Variants in SHISA6 observed in about 807,000 individuals in gnomAD.
The protein encoded by SHISA6 is shisa family member 6.
A neutral mutation model predicts 47.9 loss-of-function variants in SHISA6; 22 were observed. The ratio of observed to expected loss-of-function variants is 0.46; its 90% CI spans 0.33 to 0.66. SHISA6 has a LOEUF of 0.66. SHISA6 is among the 30% of genes least tolerant of loss of function. SHISA6 has a pLI of 0.02. For missense variants in SHISA6, 680 were observed against 764.6 expected, an observed-to-expected ratio of 0.89 and a Z score of 1.30; for synonymous variants, 388 against 337.8, an observed-to-expected ratio of 1.15 and a Z score of -1.63.
At chr17:11,286,503 C>T (rs904923654) in intron 2 of SHISA6, among the ~76,000 whole-genome samples, 8 of 152,124 alleles carry the variant, frequency 5.3e-5, no homozygotes, top group African/African-American at 1.9e-4. Context: ...GCTTGTACCT[C>T]TCGGTTGCAC....
intron 3 of SHISA6, among the ~76,000 whole-genome samples, chr17:11,511,891 G>A (rs1381832534): frequency 6.6e-6 from 1 of 152,226 alleles, no homozygotes; most frequent in Non-Finnish European, 1.5e-5. Context: ...CCCTGGATGT[G>A]TACACAAGCC....
chr17:11,368,527 T>TAGA (rs1912527555), intron 2 of SHISA6, among the ~76,000 whole-genome samples: 1 of 152,198 alleles, frequency 6.6e-6, no homozygotes, highest in South Asian at 2.1e-4. Flanking sequence ...TTCAGTATAC[T>TAGA]TGAGTTTTGC....
intron 2 of SHISA6, among the ~76,000 whole-genome samples, chr17:11,333,217 A>G (rs1392418064): frequency 6.6e-6 from 1 of 152,188 alleles, no homozygotes; most frequent in Non-Finnish European, 1.5e-5. Context: ...GTGGAGAGGG[A>G]ACCTGCCAGA....
chr17:11,344,703 C>A (rs553918512), intron 2 of SHISA6, among the ~76,000 whole-genome samples: 18 of 152,068 alleles, frequency 1.2e-4, no homozygotes, highest in Non-Finnish European at 2.4e-4. Context: ...TATTTCAATA[C>A]CTGTATACGA....
chr17:11,331,319 TC>T (rs1210126372), intron 2 of SHISA6, among the ~76,000 whole-genome samples: 1 of 152,192 alleles, frequency 6.6e-6, no homozygotes, highest in Non-Finnish European at 1.5e-5. Flanking sequence ...AAACAGCATT[TC>T]TCACCTGCTT....
chr17:11,426,091 G>A (rs551439108), intron 3 of SHISA6, among the ~76,000 whole-genome samples: 1 of 152,266 alleles, frequency 6.6e-6, no homozygotes, highest in East Asian at 1.9e-4. Flanking sequence ...ACCAGAAAAA[G>A]GATGCATGGA....
chr17:11,556,577 T>G (rs527569732), intron 5 of SHISA6, among the ~76,000 whole-genome samples: 1 of 152,246 alleles, frequency 6.6e-6, no homozygotes, highest in African/African-American at 2.4e-5. Flanking sequence ...CAACTGCAGT[T>G]GGAGCCTCAA....
At chr17:11,461,411 A>AC (rs1915687340) in intron 3 of SHISA6, among the ~76,000 whole-genome samples, 1 of 117,584 alleles carries the variant, frequency 8.5e-6, no homozygotes, top group African/African-American at 5.0e-5. Flanking sequence ...AAAAAAAAAA[A>AC]AAAAAAAAGG....
chr17:11,539,987 A>C (rs1231139809), intron 3 of SHISA6, among the ~76,000 whole-genome samples: 1 of 152,206 alleles, frequency 6.6e-6, no homozygotes, highest in East Asian at 1.9e-4. Context: ...AGAGCCCTCG[A>C]CAAAATCAGA....
chr17:11,266,398 T>C (rs557502556), intron 2 of SHISA6, among the ~76,000 whole-genome samples: 12 of 152,344 alleles, frequency 7.9e-5, no homozygotes, highest in Non-Finnish European at 1.6e-4. Context: ...CCTCTCCTGC[T>C]GAATGAGAAC....
At chr17:11,431,651 G>C (rs1013950513) in intron 3 of SHISA6, among the ~76,000 whole-genome samples, 10 of 152,224 alleles carry the variant, frequency 6.6e-5, no homozygotes, top group Middle Eastern at 3.4e-3. Flanking sequence ...AAACCCCACT[G>C]TAGCGATTGA....
intron 2 of SHISA6, among the ~76,000 whole-genome samples, chr17:11,323,949 C>T (rs1210941014): frequency 2.0e-5 from 3 of 152,116 alleles, no homozygotes; most frequent in Admixed American, 6.5e-5. Flanking sequence ...AGCTTGAAAT[C>T]TGGATCCCAG....
chr17:11,353,405 C>T (rs747258503), intron 2 of SHISA6, among the ~76,000 whole-genome samples: 9 of 150,840 alleles, frequency 6.0e-5, no homozygotes, highest in African/African-American at 1.5e-4. Flanking sequence ...TGCAGTGAGC[C>T]GAGATCACGC....
In SHISA6 at chr17:11,562,895, G is replaced by A. The variant is rs1191480865; in HGVS notation, c.*4591G>A. 6.6e-6 allele frequency: 1 copy of A among 152,338 alleles called. No homozygotes were observed. The highest frequency in any genetic ancestry group is 2.4e-5 in the African/African-American group (1 of 41,454). 9.4% of individuals were successfully genotyped at this position (152,338 alleles called of 1,614,324 possible). ...ACTAGAGCCTGGGGTGGGCCTGATG[G>A]GCTCGGCCACCCAGGGATGCCCTCG... On this transcript the variant is annotated 3_prime_UTR_variant, in exon 6 of 6. Coordinates refer to ENST00000441885, the MANE Select transcript of SHISA6 (RefSeq NM_207386.4).
chr17:11,504,417 C>A (rs1385598753), intron 3 of SHISA6, among the ~76,000 whole-genome samples: 1 of 152,110 alleles, frequency 6.6e-6, no homozygotes, highest in Non-Finnish European at 1.5e-5. Context: ...CCCATGCTGC[C>A]CTCTCTGTCC....
intron 2 of SHISA6, among the ~76,000 whole-genome samples, chr17:11,370,213 A>C (rs1193419239): frequency 1.3e-5 from 2 of 152,188 alleles, no homozygotes; most frequent in African/African-American, 4.8e-5. Context: ...GTTAGGATAC[A>C]TGAGAGGTAT....
chr17:11,265,238 C>T (rs374350429), intron 2 of SHISA6, among the ~76,000 whole-genome samples: 7 of 152,280 alleles, frequency 4.6e-5, no homozygotes, highest in African/African-American at 7.2e-5. Flanking sequence ...TTCTAACATG[C>T]GTCTAGTGGT....
chr17:11,253,916 G>A (rs978703899), intron 1 of SHISA6, among the ~76,000 whole-genome samples: 5 of 151,932 alleles, frequency 3.3e-5, no homozygotes, highest in Admixed American at 6.6e-5. Flanking sequence ...TCCGGACTTC[G>A]AGCCCTGCCT....
intron 3 of SHISA6, among the ~76,000 whole-genome samples, chr17:11,438,372 A>G (rs563644435): frequency 6.6e-6 from 1 of 152,332 alleles, no homozygotes; most frequent in East Asian, 1.9e-4. Context: ...ACAAAATAAC[A>G]CAGACTGGGG....
Sources: gnomAD v4.1 joint callset for allele counts (sites outside exome capture counted in the v4.1 genomes callset) on GRCh38, gnomAD v4.1.1 for gene constraint, MANE v1.5 for transcripts, NCBI Gene and HGNC (gene_info 2026-07-23, HGNC 2026-07-21) for gene names.